MRO: variants seen among roughly 807,000 people sequenced by gnomAD.
MRO encodes the protein maestro.
In MRO, 28 loss-of-function variants were observed where a neutral mutation model predicts 31.0. The ratio of observed to expected loss-of-function variants is 0.90; its 90% CI spans 0.67 to 1.24. The LOEUF (loss-of-function observed/expected upper bound fraction) is 1.24, where lower values mean the gene tolerates loss of function less well. Among genes scored for constraint, MRO ranks in the 50% most tolerant of loss-of-function variants. The pLI, the probability that MRO is intolerant of heterozygous loss-of-function variation, is 0.00. For synonymous variants in MRO, 108 were observed against 108.4 expected, an observed-to-expected ratio of 1.00 and a Z score of 0.02; for missense variants, 332 against 289.2, an observed-to-expected ratio of 1.15 and a Z score of -1.07.
chr18:50,808,528 A>G (rs1336051258), intron 3 of MRO, among the ~76,000 whole-genome samples: 2 of 149,916 alleles, frequency 1.3e-5, no homozygotes, highest in African/African-American at 4.9e-5. Flanking sequence ...GCATGATCTC[A>G]ACTCACTGCA....
In MRO at chr18:50,798,544, T is replaced by A. The variant is rs1001226337; in HGVS notation, c.*793A>T. ...TGGGGAAAGTTACCTAATTTCCCTA[T>A]GTGTTAGCTTTCTCATCTATAAAAT... On this transcript the variant is annotated 3_prime_UTR_variant, in exon 8 of 8. Coordinates refer to ENST00000398439, the MANE Select transcript of MRO (RefSeq NM_031939.6). 2.6e-5 allele frequency: 4 copies of A among 152,210 alleles called. No individual in the cohort carries two copies. The highest frequency in any genetic ancestry group is 9.7e-5 in the African/African-American group (4 of 41,450). 9.4% of individuals were successfully genotyped at this position (152,210 alleles called of 1,614,324 possible).
intron 2 of MRO, among the ~76,000 whole-genome samples, chr18:50,813,690 A>G (rs895389154): frequency 1.3e-5 from 2 of 152,240 alleles, no homozygotes; most frequent in Non-Finnish European, 2.9e-5. Context: ...CACATTAAGG[A>G]TGGAGCTGGA....
upstream of MRO, among the ~76,000 whole-genome samples, chr18:50,824,621 A>G (rs1915439982): frequency 6.7e-6 from 1 of 150,296 alleles, no homozygotes; most frequent in Non-Finnish European, 1.5e-5. Flanking sequence ...TGCCTGACTA[A>G]TTTTTTGTAT....
At chr18:50,813,528 CA>C (rs1192840501) in intron 2 of MRO, among the ~76,000 whole-genome samples, 1 of 152,228 alleles carries the variant, frequency 6.6e-6, no homozygotes, top group Non-Finnish European at 1.5e-5. Flanking sequence ...GCATCGGCAG[CA>C]GGGCCTAATA....
Position 50,799,391 on chromosome 18 carries a change from C to G in MRO, c.694-1G>C. 6.2e-7 allele frequency: 1 copy of G among 1,613,910 alleles called. No homozygotes were observed. Among genetic ancestry groups the G allele is most frequent in the Non-Finnish European group, 8.5e-7 (1 of 1,179,840 alleles). On this transcript the variant is annotated splice_acceptor_variant, in intron 7 of 7. Coordinates refer to ENST00000398439, the MANE Select transcript of MRO (RefSeq NM_031939.6). LOFTEE classifies it high-confidence loss of function. The stretch of plus-strand genomic sequence containing the variant: ...GCAGGATCTCTGGATGATAGTGGCT[C>G]TGAAAGAAATTAGCAAAGGTACGCG...
upstream of MRO, among the ~76,000 whole-genome samples, chr18:50,824,845 C>A (rs1357966927): frequency 6.7e-6 from 1 of 149,630 alleles, no homozygotes; most frequent in African/African-American, 2.5e-5. Flanking sequence ...GAGGCCGAGA[C>A]GGGAGGATCA....
chr18:50,820,626 C>G (rs1376211898), upstream of MRO, among the ~76,000 whole-genome samples: 1 of 152,204 alleles, frequency 6.6e-6, no homozygotes, highest in East Asian at 1.9e-4. Context: ...ATTACATAGA[C>G]TATCTCATTC....
At chr18:50,805,933 G>A (rs1251190291) in intron 4 of MRO, among the ~76,000 whole-genome samples, 2 of 151,768 alleles carry the variant, frequency 1.3e-5, no homozygotes, top group Non-Finnish European at 2.9e-5. Context: ...CCAGCCTACG[G>A]ACATGACTTT....
rs180788092 is a variant in MRO, at chr18:50,801,727, A to G, written c.430-223T>C. Among the ~76,000 whole-genome samples, 225 of 152,296 alleles carry G rather than the reference A, an allele frequency of 1.5e-3. 1 individual carries two copies. The highest frequency in any genetic ancestry group is 4.4e-3 in the African/African-American group (184 of 41,570). ...GCTTGAAGAGGGCCCAAAGGCTTCA[A>G]TGAACCTCTTCTCCAGCAGACGAGA... is the stretch of plus-strand genomic sequence containing the variant. On this transcript the variant is annotated intron_variant, in intron 5 of 7. Coordinates refer to ENST00000398439, the MANE Select transcript of MRO (RefSeq NM_031939.6).
chr18:50,800,999 T>C (rs189548013), intron 6 of MRO, among the ~76,000 whole-genome samples: 7 of 152,104 alleles, frequency 4.6e-5, no homozygotes, highest in Admixed American at 3.9e-4. Context: ...TGGAAATCTA[T>C]ACCAGGCACA....
intron 2 of MRO, among the ~76,000 whole-genome samples, chr18:50,818,776 G>A (rs1452891246): frequency 1.3e-5 from 2 of 152,166 alleles, no homozygotes; most frequent in Admixed American, 6.5e-5. Flanking sequence ...AGTAGGCTGC[G>A]TGTGGTGGCT....
At chr18:50,815,823 C>T in intron 2 of MRO, 1 of 235,756 alleles carries the variant, frequency 4.2e-6, no homozygotes, top group Non-Finnish European at 8.5e-6. Context: ...CACCTGAGGT[C>T]AGGAGTTCGA....
At chr18:50,822,329 C>CT (rs140056666), upstream of MRO, among the ~76,000 whole-genome samples, 4,368 of 76,190 alleles carry the variant, frequency 0.057, 190 homozygotes, top group African/African-American at 0.16. Flanking sequence ...GGAAATTTAT[C>CT]TTTTTTAGTT....
intron 7 of MRO, among the ~76,000 whole-genome samples, chr18:50,799,612 C>A (rs1053754594): frequency 1.3e-5 from 2 of 152,134 alleles, no homozygotes; most frequent in African/African-American, 4.8e-5. Context: ...CAATTACAAT[C>A]AAAACACAGT....
chr18:50,806,936 C>A, intron 3 of MRO, 86 bp from the exon 4 acceptor site: 1 of 1,334,760 alleles, frequency 7.5e-7, no homozygotes, highest in Non-Finnish European at 1.1e-6. Context: ...TAAAGAAAAT[C>A]CCGTGATTGC....
chr18:50,809,434 C>T (rs201700137), intron 2 of MRO, 30 bp from the exon 3 acceptor site: 34 of 1,428,172 alleles, frequency 2.4e-5, no homozygotes, highest in East Asian at 6.8e-5. Flanking sequence ...AAATCACATG[C>T]GCCACAGACA....
At position 50,809,447 on chromosome 18, in the gene MRO, C is replaced by T. The variant is rs1424769757; in HGVS notation, c.-4-43G>A. 3 of 1,326,610 alleles carry T rather than the reference C, an allele frequency of 2.3e-6. No homozygotes were observed. The Admixed American group carries it at 5.2e-5, about 23-fold the overall frequency. The allele number at this position is 1,326,610 out of a possible 1,614,324, so 82.2% of individuals were successfully genotyped here. A position where few individuals can be genotyped will look rare whatever the true frequency, so the allele number is the denominator to read the frequency against. On this transcript the variant is annotated intron_variant, in intron 2 of 7. Coordinates refer to ENST00000398439, the MANE Select transcript of MRO (RefSeq NM_031939.6). ...CAAAATCACATGCGCCACAGACACT[C>T]ATCATCAACAAACATTGTTGTACAA...
Position 50,806,767 on chromosome 18 carries a change from A to G in MRO, c.183T>C (p.Ser61=). 6.2e-7 allele frequency: 1 copy of G among 1,614,126 alleles called. No individual in the cohort carries two copies. The highest frequency in any genetic ancestry group is 1.1e-5 in the South Asian group (1 of 91,082). ...TCATTGCCATGTGACGCTTTTTAGC[A>G]CTGGGGTCCCGAGCTCTTTCTGCCA... ...FILAERARDP[S]AKKRHMAMRN... is the part of the protein sequence containing the mutation. The change falls in exon 4 of 8, where the codon AGT becomes AGC. Residue 61 remains serine (S), a synonymous_variant. Coordinates refer to ENST00000398439, the MANE Select transcript of MRO (RefSeq NM_031939.6).
rs1555667875 is a variant in MRO, at chr18:50,802,916, A to AGTGTGTGTGTGTGTGTGTAGT, written c.430-1413_430-1412insACTACACACACACACACACAC. 4.5e-3 allele frequency among the ~76,000 whole-genome samples: 658 copies of AGTGTGTGTGTGTGTGTGTAGT among 144,706 alleles called. 3 individuals are homozygous for AGTGTGTGTGTGTGTGTGTAGT. The highest frequency in any genetic ancestry group is 0.016 in the African/African-American group (616 of 37,372). The allele number at this position is 144,706 out of a possible 152,430, so 94.9% of individuals were successfully genotyped here. A position where few individuals can be genotyped will look rare whatever the true frequency, so the allele number is the denominator to read the frequency against. The stretch of plus-strand genomic sequence containing the variant: ...TGAGTGTTTGTGTATGTGTGTGTGT[A>AGTGTGTGTGTGTGTGTGTAGT]GTGTGTGTGTGTGTGTGTGTGTGTG... On this transcript the variant is annotated intron_variant, in intron 5 of 7. Transcript: ENST00000398439.
Sources: gnomAD v4.1 joint callset for allele counts (sites outside exome capture counted in the v4.1 genomes callset) on GRCh38, gnomAD v4.1.1 for gene constraint, MANE v1.5 for transcripts, NCBI Gene and HGNC (gene_info 2026-07-23, HGNC 2026-07-21) for gene names.